Variants in PPARA observed in about 807,000 individuals in gnomAD.
PPARA encodes peroxisome proliferator activated receptor alpha, also known as peroxisome proliferator-activated receptor alpha.
In PPARA, 22 loss-of-function variants were observed where a neutral mutation model predicts 42.2. The ratio of observed to expected loss-of-function variants is 0.52; its 90% confidence interval spans 0.37 to 0.74. The LOEUF (loss-of-function observed/expected upper bound fraction) is 0.74, where lower values mean the gene tolerates loss of function less well. Ranked by LOEUF, PPARA falls within the 30% of genes least tolerant of loss-of-function variation. PPARA has a pLI of 0.00. For missense variants in PPARA, 465 were observed against 608.2 expected (o/e 0.76, Z 2.48); for synonymous variants, 242 against 239.3 (o/e 1.01, Z -0.10).
intron 4 of PPARA, 145 bp from the exon 5 acceptor site, chr22:46,215,028 G>A (rs1378327015): frequency 1.0e-6 from 1 of 961,168 alleles, no homozygotes; most frequent in African/African-American, 1.6e-5. Flanking sequence ...TGACCCAGAG[G>A]CAGGGCCCGG....
At chr22:46,210,083 G>A (rs1277341425) in intron 4 of PPARA, among the ~76,000 whole-genome samples, 7 of 151,984 alleles carry the variant, frequency 4.6e-5, no homozygotes, top group Non-Finnish European at 8.8e-5. Flanking sequence ...GCCGAGGTTG[G>A]GAAATAATCT....
At chr22:46,207,152 G>C (rs998816206) in intron 4 of PPARA, among the ~76,000 whole-genome samples, 2 of 151,542 alleles carry the variant, frequency 1.3e-5, no homozygotes, top group Admixed American at 1.3e-4. Flanking sequence ...GAACCCAGGA[G>C]GCAGAGGTTG....
At position 46,181,495 on chromosome 22, in the gene PPARA, G is replaced by A. The variant is rs1360470910; in HGVS notation, c.-43+4659G>A. 3.9e-5 allele frequency among the ~76,000 whole-genome samples: 6 copies of A among 152,148 alleles called. No homozygotes were observed. The East Asian group carries it at 7.7e-4, about 20-fold the overall frequency. On this transcript the variant is annotated intron_variant, in intron 3 of 8. Transcript: ENST00000407236. ...AGAGTGAGTGTGCATCACAAAGGGC[G>A]GGATGGGAGGAAAAGCATCGAAACC...
chr22:46,183,996 C>T lies in PPARA; in HGVS notation c.-43+7160C>T, dbSNP rs1930326739. On this transcript the variant is annotated intron_variant, in intron 3 of 8. Transcript: ENST00000407236. The surrounding 1 kb of genome is among the most constrained non-coding windows in gnomAD (Gnocchi z 5.5). ...TCAGTTTCCTCATCTGTAAAGTAAA[C>T]ATAATGATAATGCCTGCCTCATGGG... Among the ~76,000 whole-genome samples, 1 of 152,092 alleles carries T rather than the reference C, an allele frequency of 6.6e-6. No individual in the cohort carries two copies. The highest frequency in any genetic ancestry group is 1.5e-5 in the Non-Finnish European group (1 of 68,032).
chr22:46,159,607 AAGGCACTC>A (rs897678997), intron 2 of PPARA, among the ~76,000 whole-genome samples: 3 of 152,232 alleles, frequency 2.0e-5, no homozygotes, highest in African/African-American at 7.2e-5. Flanking sequence ...TCCAGAAAGG[AAGGCACTC>A]AATTGTTGTA....
chr22:46,218,450 C>T (rs1450740978), intron 6 of PPARA, 49 bp downstream of exon 6: 1 of 1,611,250 alleles, frequency 6.2e-7, no homozygotes, highest in Non-Finnish European at 8.5e-7. Flanking sequence ...CTCAGTTCCC[C>T]TTCCTTGCTC....
At chr22:46,214,236 C>T (rs1023641089) in intron 4 of PPARA, among the ~76,000 whole-genome samples, 2 of 152,168 alleles carry the variant, frequency 1.3e-5, no homozygotes, top group African/African-American at 4.8e-5. Flanking sequence ...GGCGGTATGG[C>T]AAGGCGCGGG....
chr22:46,198,658 CTTTT>C (rs777398787), intron 4 of PPARA, 67 bp downstream of exon 4: 2,503 of 838,078 alleles, frequency 3.0e-3, no homozygotes, highest in Middle Eastern at 3.9e-3. Context: ...ACTGTTCTCT[CTTTT>C]TTTTTTTTTT....
At chr22:46,154,412 C>G (rs135555) in intron 2 of PPARA, among the ~76,000 whole-genome samples, 115,083 of 152,000 alleles carry the variant, frequency 0.76, 43,805 homozygotes, top group East Asian at 0.92. Context: ...GAGCCCAGGG[C>G]TTCAAGACCA....
intron 3 of PPARA, among the ~76,000 whole-genome samples, chr22:46,185,258 G>A (rs1449176271): frequency 6.6e-6 from 1 of 152,132 alleles, no homozygotes; most frequent in Non-Finnish European, 1.5e-5. Context: ...TATTAGGTTT[G>A]CAATTGAGTT....
In PPARA at chr22:46,230,170, G is replaced by A. The variant is rs372063371; in HGVS notation, c.712-1622G>A. ...GCAGATTACCTGAGGTCAGGAGTGC[G>A]ACACCAGCCTGACCAACATGGTGTA... On this transcript the variant is annotated intron_variant, in intron 7 of 8. Coordinates refer to ENST00000407236, the MANE Select transcript of PPARA (RefSeq NM_005036.6). The surrounding 1 kb of genome is among the most constrained non-coding windows in gnomAD (Gnocchi z 5.0). Among the ~76,000 whole-genome samples, 47 of 152,266 alleles carry A rather than the reference G, an allele frequency of 3.1e-4. No individual in the cohort carries two copies. The highest frequency in any genetic ancestry group is 1.0e-3 in the African/African-American group (43 of 41,570).
rs76885466 is a variant in PPARA at position 46,196,425 on chromosome 22, C to T, written c.-42-1917C>T. ...ATGTCACACCCAGCACACATGCCAC[C>T]GGCTTGGCCCTGCGCCCCGCAGCCT... is the stretch of plus-strand genomic sequence containing the variant. On this transcript the variant is annotated intron_variant, in intron 3 of 8. Coordinates refer to ENST00000407236, the MANE Select transcript of PPARA (RefSeq NM_005036.6). This position sits in a 1 kb window ranked among gnomAD's most constrained non-coding sequence, Gnocchi z 5.6. 0.036 allele frequency among the ~76,000 whole-genome samples: 5,444 copies of T among 152,342 alleles called. 325 individuals are homozygous for T. Among genetic ancestry groups the T allele is most frequent in the African/African-American group, 0.13 (5,207 of 41,562 alleles).
At chr22:46,155,979 G>A (rs546364917) in intron 2 of PPARA, 32 of 152,262 alleles carry the variant, frequency 2.1e-4, no homozygotes, top group African/African-American at 7.0e-4. Flanking sequence ...TTTGCTTTTA[G>A]GATATTTAAT....
chr22:46,223,828 T>G (rs1935188521), intron 7 of PPARA, among the ~76,000 whole-genome samples: 1 of 150,166 alleles, frequency 6.7e-6, no homozygotes, highest in African/African-American at 2.5e-5. Context: ...TGTGCGCCTG[T>G]AGTCCCATCT....
In PPARA at chr22:46,150,927, G is replaced by A. The variant is rs1269769023; in HGVS notation, c.-210+275G>A. 1.3e-5 allele frequency: 2 copies of A among 152,180 alleles called. No individual in the cohort carries two copies. The highest frequency in any genetic ancestry group is 2.9e-5 in the Non-Finnish European group (2 of 68,048). 9.4% of individuals were successfully genotyped at this position (152,180 alleles called of 1,614,324 possible). The stretch of plus-strand genomic sequence containing the variant: ...GCTCGGCCTCCCTCCTAGCGCTGGG[G>A]GCCTGCCCGGAACCCGAGTCCGCGG... On this transcript the variant is annotated intron_variant, in intron 1 of 8. Transcript: ENST00000407236. The surrounding 1 kb of genome is among the most constrained non-coding windows in gnomAD (Gnocchi z 7.5).
chr22:46,153,502 G>C lies in PPARA; in HGVS notation c.-127+1532G>C, dbSNP rs574523954. ...ACATCTTAAACGTAAAGTAGGAGAC[G>C]TGTCATAATCATCGAATACTGCAGT... On this transcript the variant is annotated intron_variant, in intron 2 of 8. Transcript: ENST00000407236. 4.3e-4 allele frequency among the ~76,000 whole-genome samples: 65 copies of C among 152,252 alleles called. 2 individuals carry two copies. The South Asian group carries it at 0.012, about 29-fold the overall frequency.
chr22:46,213,734 C>T (rs564309313), intron 4 of PPARA, among the ~76,000 whole-genome samples: 8 of 152,220 alleles, frequency 5.3e-5, no homozygotes, highest in African/African-American at 9.6e-5. Context: ...GGACTACAGG[C>T]GCCCCCACCA....
Position 46,167,575 on chromosome 22 carries a change from C to T in PPARA, c.-126-9178C>T, listed in dbSNP as rs578106011. Reference sequence around the variant, plus strand: ...GTCTGAGGTGGGAGGATCACCTGAGCCCAGAGAGGTCAAGGTTGCAGTGAG... The same window carrying T: ...GTCTGAGGTGGGAGGATCACCTGAGTCCAGAGAGGTCAAGGTTGCAGTGAG... On this transcript the variant is annotated intron_variant, in intron 2 of 8. Transcript: ENST00000407236. This position sits in a 1 kb window ranked among gnomAD's most constrained non-coding sequence, Gnocchi z 4.1. Among the ~76,000 whole-genome samples, 25 of 152,170 alleles carry T rather than the reference C, an allele frequency of 1.6e-4. No homozygotes were observed. The highest frequency in any genetic ancestry group is 5.5e-4 in the African/African-American group (23 of 41,520).
At position 46,187,759 on chromosome 22, in the gene PPARA, C is replaced by G. The variant is rs1931014346; in HGVS notation, c.-42-10583C>G. On this transcript the variant is annotated intron_variant, in intron 3 of 8. Coordinates refer to ENST00000407236, the MANE Select transcript of PPARA (RefSeq NM_005036.6). This position sits in a 1 kb window ranked among gnomAD's most constrained non-coding sequence, Gnocchi z 4.9. ...CTACCTCTGCAGACTCACCTCTTGC[C>G]ACTTCTCCCTTGAGGTAGATCAAAA... Among the ~76,000 whole-genome samples, 3 of 152,232 alleles carry G rather than the reference C, an allele frequency of 2.0e-5. No homozygotes were observed. Among genetic ancestry groups the G allele is most frequent in the Non-Finnish European group, 4.4e-5 (3 of 68,044 alleles).
Sources: allele counts gnomAD v4.1 joint callset (sites outside exome capture counted in the v4.1 genomes callset), GRCh38; gene constraint gnomAD v4.1.1; non-coding constraint Gnocchi (gnomAD v3.1); transcripts MANE v1.5; gene names NCBI Gene and HGNC (gene_info 2026-07-23, HGNC 2026-07-21).